The following COL24A1 variants were observed in gnomAD, a reference collection of about 807,000 sequenced individuals.
COL24A1 encodes the protein collagen alpha-1(XXIV) chain.
A neutral mutation model predicts 253.9 loss-of-function variants in COL24A1; 224 were observed. The observed-to-expected ratio is 0.88, with a 90% CI of 0.79 to 0.99. The LOEUF is 0.99. COL24A1 is among the 50% of genes least tolerant of loss of function. COL24A1 has a pLI of 0.00. For missense variants in COL24A1, 2,131 were observed against 2,068.5 expected, an observed-to-expected ratio of 1.03 and a Z score of -0.59; for synonymous variants, 685 against 673.7, an observed-to-expected ratio of 1.02 and a Z score of -0.26.
chr1:85,824,786 G>T (rs950899718), intron 43 of COL24A1, among the ~76,000 whole-genome samples: 2 of 152,026 alleles, frequency 1.3e-5, no homozygotes, highest in African/African-American at 4.8e-5. Flanking sequence ...TACTCAATCA[G>T]ATTTCTTTCT....
At chr1:86,138,656 G>T (rs1219543405) in intron 2 of COL24A1, among the ~76,000 whole-genome samples, 3 of 152,094 alleles carry the variant, frequency 2.0e-5, no homozygotes, top group Non-Finnish European at 2.9e-5. Flanking sequence ...ATATGGAACT[G>T]TAAGTCCACT....
intron 53 of COL24A1, among the ~76,000 whole-genome samples, chr1:85,770,560 T>C (rs1667844807): frequency 6.6e-6 from 1 of 152,134 alleles, no homozygotes; most frequent in Non-Finnish European, 1.5e-5. Context: ...GAGATGAATA[T>C]GTTAATTTGC....
intron 47 of COL24A1, among the ~76,000 whole-genome samples, chr1:85,789,102 T>C (rs573732340): frequency 6.6e-6 from 1 of 152,204 alleles, no homozygotes; most frequent in African/African-American, 2.4e-5. Flanking sequence ...CTGTGAAGAA[T>C]GTCAATGGTA....
intron 37 of COL24A1, among the ~76,000 whole-genome samples, chr1:85,858,668 C>CTTCCTTCCTTCCTTCCTTCT (rs1678777072): frequency 6.7e-6 from 1 of 149,894 alleles, no homozygotes. Context: ...TCCTTCCTTC[C>CTTCCTTCCTTCCTTCCTTCT]TTCCTTCCTT....
intron 12 of COL24A1, among the ~76,000 whole-genome samples, chr1:86,042,304 T>G (rs928014720): frequency 6.6e-6 from 1 of 152,288 alleles, no homozygotes; most frequent in South Asian, 2.1e-4. Context: ...TAAATAATCT[T>G]TGGTTCTAAA....
Position 85,730,492 on chromosome 1 carries a change from C to T in COL24A1, c.*54G>A. 8 of 1,583,612 alleles carry T rather than the reference C, an allele frequency of 5.1e-6. No homozygotes were observed. Among genetic ancestry groups the T allele is most frequent in the South Asian group, 2.3e-5 (2 of 88,334 alleles). On this transcript the variant is annotated 3_prime_UTR_variant, in exon 60 of 60. Coordinates refer to ENST00000370571, the MANE Select transcript of COL24A1 (RefSeq NM_152890.7). Reference sequence around the variant, plus strand: ...ACTGTATCTGTCTGTCTTATTTCTCCCTCTGCAGCAATTACCTGGCCAACA... The same window carrying T: ...ACTGTATCTGTCTGTCTTATTTCTCTCTCTGCAGCAATTACCTGGCCAACA...
chr1:85,926,795 AC>A (rs981156849), intron 24 of COL24A1, among the ~76,000 whole-genome samples: 10 of 152,134 alleles, frequency 6.6e-5, no homozygotes, highest in African/African-American at 2.4e-4. Flanking sequence ...GTGCACATGT[AC>A]CCTAGAACTT....
At chr1:86,092,602 C>A (rs1328880034) in intron 5 of COL24A1, among the ~76,000 whole-genome samples, 5 of 151,600 alleles carry the variant, frequency 3.3e-5, no homozygotes, top group Non-Finnish European at 5.9e-5. Context: ...CTTGAAGGAC[C>A]TAGGTAGATT....
rs181259876 is a variant in COL24A1 at position 85,876,877 on chromosome 1, G to T, written c.3030+245C>A. Among the ~76,000 whole-genome samples, 50 of 152,240 alleles carry T rather than the reference G, an allele frequency of 3.3e-4. 1 individual carries two copies. The highest frequency in any genetic ancestry group is 1.1e-3 in the African/African-American group (47 of 41,530). On this transcript the variant is annotated intron_variant, in intron 33 of 59. Coordinates refer to ENST00000370571, the MANE Select transcript of COL24A1 (RefSeq NM_152890.7). Reference sequence around the variant, plus strand: ...ATCAAGTCAACTTTAAATCAGTGAAGGGAAAGCTCTATCTACTTTTTGTTC... The same window carrying T: ...ATCAAGTCAACTTTAAATCAGTGAATGGAAAGCTCTATCTACTTTTTGTTC...
intron 5 of COL24A1, among the ~76,000 whole-genome samples, chr1:86,095,245 A>G (rs1250785793): frequency 2.0e-5 from 3 of 152,084 alleles, no homozygotes; most frequent in African/African-American, 7.2e-5. Context: ...TTAAAAATTG[A>G]TAGAGTGGGC....
At chr1:85,863,737 C>G (rs989378292) in intron 37 of COL24A1, among the ~76,000 whole-genome samples, 4 of 152,062 alleles carry the variant, frequency 2.6e-5, no homozygotes, top group African/African-American at 9.7e-5. Flanking sequence ...AACAAGTGGG[C>G]AAAGTGAACA....
chr1:85,839,188 G>C (rs1166157001), intron 42 of COL24A1, among the ~76,000 whole-genome samples: 1 of 152,118 alleles, frequency 6.6e-6, no homozygotes, highest in Non-Finnish European at 1.5e-5. Context: ...AACAGAGTGA[G>C]ACCCTGTTTC....
intron 19 of COL24A1, among the ~76,000 whole-genome samples, chr1:86,002,449 A>C (rs567617): frequency 0.18 from 27,651 of 152,152 alleles, 3,199 homozygotes; most frequent in African/African-American, 0.32. Flanking sequence ...AGCAAATGTA[A>C]CTTTTTCCTT....
intron 25 of COL24A1, among the ~76,000 whole-genome samples, chr1:85,910,687 T>C (rs1685282061): frequency 6.6e-6 from 1 of 152,006 alleles, no homozygotes; most frequent in Non-Finnish European, 1.5e-5. Context: ...AGTATTTAAG[T>C]AATTGAGAAT....
At chr1:86,008,332 C>T (rs1398480736) in intron 19 of COL24A1, among the ~76,000 whole-genome samples, 2 of 151,986 alleles carry the variant, frequency 1.3e-5, no homozygotes, top group Non-Finnish European at 2.9e-5. Context: ...AAAACTTCTG[C>T]CTCCTGGGCT....
chr1:85,923,734 A>C (rs1338071058), intron 24 of COL24A1, among the ~76,000 whole-genome samples: 1 of 152,152 alleles, frequency 6.6e-6, no homozygotes. Context: ...ATCTAAAATT[A>C]ACACCCTAAC....
At chr1:85,738,315 T>C (rs929135439) in intron 57 of COL24A1, among the ~76,000 whole-genome samples, 7 of 152,158 alleles carry the variant, frequency 4.6e-5, no homozygotes, top group Admixed American at 1.3e-4. Context: ...AATAAAAATA[T>C]GAGAACATTT....
rs546238526 is a variant in COL24A1, at chr1:86,002,563, G to T, written c.2310+14588C>A. On this transcript the variant is annotated intron_variant, in intron 19 of 59. Transcript: ENST00000370571. ...CTCCTGCCTCTGTCATATGATACAGGTTCAGTCTGAAGAGATCTGAACCTT... is the reference window on the plus strand; with the variant it reads ...CTCCTGCCTCTGTCATATGATACAGTTTCAGTCTGAAGAGATCTGAACCTT... 1.0e-3 allele frequency among the ~76,000 whole-genome samples: 158 copies of T among 152,208 alleles called. 1 individual carries two copies. The highest frequency in any genetic ancestry group is 3.7e-3 in the African/African-American group (154 of 41,528).
intron 24 of COL24A1, among the ~76,000 whole-genome samples, chr1:85,944,365 G>A (rs1029691657): frequency 2.0e-5 from 3 of 152,092 alleles, no homozygotes; most frequent in African/African-American, 4.8e-5. Context: ...AAATATGTAT[G>A]TTATCATTGC....
Sources: gnomAD v4.1 joint callset for allele counts (sites outside exome capture counted in the v4.1 genomes callset) on GRCh38, gnomAD v4.1.1 for gene constraint, MANE v1.5 for transcripts, NCBI Gene and HGNC (gene_info 2026-07-23, HGNC 2026-07-21) for gene names.